The following TMEM132D variants were observed in gnomAD, a reference collection of about 807,000 sequenced individuals.
The protein encoded by TMEM132D is transmembrane protein 132D.
TMEM132D carries 21 observed loss-of-function variants against 62.3 expected under a neutral mutation model. The ratio of observed to expected loss-of-function variants is 0.34; its 90% confidence interval spans 0.24 to 0.49. The LOEUF (loss-of-function observed/expected upper bound fraction) is 0.49, where lower values mean the gene tolerates loss of function less well. TMEM132D is among the 20% of genes least tolerant of loss of function. The pLI, the probability that TMEM132D is intolerant of heterozygous loss-of-function variation, is 0.99. For missense variants in TMEM132D, 1,346 were observed against 1,402.8 expected, an observed-to-expected ratio of 0.96 and a Z score of 0.65; for synonymous variants, 621 against 575.6, an observed-to-expected ratio of 1.08 and a Z score of -1.13.
At chr12:129,887,184 A>G (rs1329861158) in intron 1 of TMEM132D, among the ~76,000 whole-genome samples, 1 of 152,178 alleles carries the variant, frequency 6.6e-6, no homozygotes, top group Admixed American at 6.5e-5. Context: ...GAAAACATAA[A>G]AACAGCACTG....
At chr12:129,386,285 C>T (rs969019034) in intron 3 of TMEM132D, among the ~76,000 whole-genome samples, 36 of 152,130 alleles carry the variant, frequency 2.4e-4, no homozygotes, top group African/African-American at 7.5e-4. Context: ...AACACCAAAA[C>T]CAATGCTAAC....
chr12:129,484,408 TAA>T (rs1323546890), intron 3 of TMEM132D, among the ~76,000 whole-genome samples: 11 of 152,216 alleles, frequency 7.2e-5, no homozygotes, highest in African/African-American at 2.7e-4. Flanking sequence ...ATAGAGTAAT[TAA>T]ATGTCTGCTC....
At chr12:129,799,631 G>A (rs907547387) in intron 1 of TMEM132D, among the ~76,000 whole-genome samples, 23 of 151,892 alleles carry the variant, frequency 1.5e-4, no homozygotes, top group African/African-American at 4.8e-4. Context: ...TTGGCCCGTC[G>A]GTCTCTCACA....
chr12:129,506,192 T>G (rs925154328), intron 3 of TMEM132D, among the ~76,000 whole-genome samples: 10 of 152,210 alleles, frequency 6.6e-5, no homozygotes, highest in African/African-American at 2.4e-4. Context: ...TAGAGCTCCT[T>G]TTAGCAGTTC....
chr12:129,742,504 C>T (rs1184136454), intron 1 of TMEM132D, among the ~76,000 whole-genome samples: 1 of 152,208 alleles, frequency 6.6e-6, no homozygotes, highest in East Asian at 1.9e-4. Flanking sequence ...CAGATCCCAC[C>T]TCCCACATTG....
chr12:129,118,831 C>G (rs1875973796), intron 5 of TMEM132D, among the ~76,000 whole-genome samples: 5 of 152,184 alleles, frequency 3.3e-5, no homozygotes, highest in Admixed American at 3.3e-4. Flanking sequence ...TATCAGAGGG[C>G]ATCTCTCAGG....
At chr12:129,396,811 G>A (rs1361800864) in intron 3 of TMEM132D, among the ~76,000 whole-genome samples, 1 of 152,088 alleles carries the variant, frequency 6.6e-6, no homozygotes, top group African/African-American at 2.4e-5. Context: ...TCTTAAAAAT[G>A]TCCAAAAGCA....
intron 7 of TMEM132D, among the ~76,000 whole-genome samples, chr12:129,079,937 T>C (rs941685057): frequency 6.6e-5 from 10 of 152,228 alleles, no homozygotes; most frequent in African/African-American, 2.4e-4. Context: ...CCCTGACACC[T>C]GGTTTCAGAA....
chr12:129,343,343 G>A lies in TMEM132D; in HGVS notation c.1116-5526C>T, dbSNP rs539234417. On this transcript the variant is annotated intron_variant, in intron 3 of 8. Coordinates refer to ENST00000422113, the MANE Select transcript of TMEM132D (RefSeq NM_133448.3). The stretch of plus-strand genomic sequence containing the variant: ...TCACAAGGACAGAAAAACAACCACC[G>A]CATGTTCTCACTCATAGGTGGGAAC... Among the ~76,000 whole-genome samples the A allele has an allele frequency of 1.8e-4, 27 of 151,370 alleles. No homozygotes were observed. The South Asian group carries it at 3.1e-3, about 18-fold the overall frequency.
chr12:129,357,542 AG>A, intron 3 of TMEM132D, among the ~76,000 whole-genome samples: 1 of 152,062 alleles, frequency 6.6e-6, no homozygotes, highest in Non-Finnish European at 1.5e-5. Context: ...AAGGAAAGAA[AG>A]AAAAGAAAGA....
intron 5 of TMEM132D, among the ~76,000 whole-genome samples, chr12:129,150,737 C>T (rs535835825): frequency 2.6e-5 from 4 of 152,352 alleles, no homozygotes; most frequent in African/African-American, 4.8e-5. Context: ...TGGCAGGCTA[C>T]GCCTTCAGCC....
intron 3 of TMEM132D, among the ~76,000 whole-genome samples, chr12:129,503,397 C>G (rs1485590820): frequency 6.6e-6 from 1 of 151,970 alleles, no homozygotes; most frequent in Non-Finnish European, 1.5e-5. Flanking sequence ...GTTTAGGGGA[C>G]TGGGTGTTGG....
At chr12:129,433,509 G>A (rs1025263315) in intron 3 of TMEM132D, among the ~76,000 whole-genome samples, 3 of 152,066 alleles carry the variant, frequency 2.0e-5, no homozygotes, top group African/African-American at 4.8e-5. Flanking sequence ...CTTGTGTCAG[G>A]AGAGCTTGAC....
intron 1 of TMEM132D, among the ~76,000 whole-genome samples, chr12:129,894,168 A>G (rs533665086): frequency 1.5e-3 from 223 of 152,372 alleles, no homozygotes; most frequent in Middle Eastern, 3.4e-3. Context: ...CCTCACAATC[A>G]TGGCAAAAGG....
chr12:129,721,680 C>A (rs1275119216), intron 1 of TMEM132D, among the ~76,000 whole-genome samples: 1 of 152,136 alleles, frequency 6.6e-6, no homozygotes, highest in South Asian at 2.1e-4. Flanking sequence ...ACCATAGGGG[C>A]ATGGGAGGCA....
chr12:129,519,112 G>A (rs536238493), intron 3 of TMEM132D, among the ~76,000 whole-genome samples: 3 of 152,078 alleles, frequency 2.0e-5, no homozygotes, highest in Non-Finnish European at 4.4e-5. Context: ...TAAGAAATCC[G>A]AGCTCCTTTT....
intron 5 of TMEM132D, among the ~76,000 whole-genome samples, chr12:129,195,578 C>A (rs2135558475): frequency 6.6e-6 from 1 of 152,130 alleles, no homozygotes; most frequent in Non-Finnish European, 1.5e-5. Flanking sequence ...GTGACCCTGA[C>A]CCACTTATCT....
chr12:129,118,846 G>A (rs1156475439), intron 5 of TMEM132D, among the ~76,000 whole-genome samples: 1 of 152,200 alleles, frequency 6.6e-6, no homozygotes, highest in African/African-American at 2.4e-5. Flanking sequence ...CTCAGGCCCT[G>A]GAGGGAAGAA....
In TMEM132D at chr12:129,073,916, C is replaced by CT; in HGVS notation, c.3258dup (p.Glu1087ArgfsTer11). 1 of 1,576,702 alleles carries CT rather than the reference C, an allele frequency of 6.3e-7. No homozygotes were observed. Reference sequence around the variant, plus strand: ...AACCTCTCCATGTAGTTGTGCAGCTCTTTGCAGTCCCCAGGGTCCAGATCC... The same window carrying CT: ...AACCTCTCCATGTAGTTGTGCAGCTCTTTTGCAGTCCCCAGGGTCCAGATCC... On this transcript the variant is annotated frameshift_variant, in exon 9 of 9. Transcript: ENST00000422113. LOFTEE classifies it low-confidence loss of function (END_TRUNC).
Sources: gnomAD v4.1 joint callset for allele counts (sites outside exome capture counted in the v4.1 genomes callset) on GRCh38, gnomAD v4.1.1 for gene constraint, MANE v1.5 for transcripts, NCBI Gene and HGNC (gene_info 2026-07-23, HGNC 2026-07-21) for gene names.